The following EXT1 variants were observed in gnomAD, a reference collection of about 807,000 sequenced individuals.
EXT1 encodes exostosin-1.
A neutral mutation model predicts 82.5 loss-of-function variants in EXT1; 20 were observed. The ratio of observed to expected loss-of-function variants is 0.24; its 90% confidence interval spans 0.17 to 0.35. EXT1 has a LOEUF of 0.35. EXT1 is among the 10% of genes least tolerant of loss of function. The pLI is 1.00. For synonymous variants in EXT1, 348 were observed against 350.8 expected, an observed-to-expected ratio of 0.99 and a Z score of 0.09; for missense variants, 757 against 936.5, an observed-to-expected ratio of 0.81 and a Z score of 2.50.
intron 1 of EXT1, among the ~76,000 whole-genome samples, chr8:117,859,813 T>C (rs1164151584): frequency 6.6e-6 from 1 of 152,204 alleles, no homozygotes; most frequent in African/African-American, 2.4e-5. Flanking sequence ...GGTATGTATG[T>C]ATATACCATG....
chr8:118,060,336 G>A (rs1283402265), intron 1 of EXT1, among the ~76,000 whole-genome samples: 1 of 152,156 alleles, frequency 6.6e-6, no homozygotes, highest in African/African-American at 2.4e-5. Flanking sequence ...TTTTTCGAAT[G>A]TTTGAACTGA....
At chr8:117,990,256 G>A (rs988367050) in intron 1 of EXT1, among the ~76,000 whole-genome samples, 13 of 152,206 alleles carry the variant, frequency 8.5e-5, no homozygotes, top group African/African-American at 3.1e-4. Flanking sequence ...TGCCCTTGAA[G>A]ACAGAAGCAA....
In EXT1 at chr8:117,813,004, AAGAGGTAACTTC is replaced by A. The variant is rs753104875; in HGVS notation, c.1633-55_1633-44del. 2.0e-6 allele frequency: 3 copies of A among 1,521,856 alleles called. No homozygotes were observed. In the East Asian group the frequency reaches 6.9e-5, roughly 35 times the overall value. 94.3% of individuals were successfully genotyped at this position (1,521,856 alleles called of 1,614,324 possible). A position where few individuals can be genotyped will look rare whatever the true frequency, so the allele number is the denominator to read the frequency against. ...TAGGCAGTGGGGAGGGAATGAGGGA[AAGAGGTAACTTC>A]AGAGTCTTGTTTTCAGGACAATTCT... On this transcript the variant is annotated intron_variant, in intron 7 of 10. Coordinates refer to ENST00000378204, the MANE Select transcript of EXT1 (RefSeq NM_000127.3).
chr8:117,824,292 G>A (rs1336159349), intron 4 of EXT1, among the ~76,000 whole-genome samples: 2 of 152,120 alleles, frequency 1.3e-5, no homozygotes, highest in African/African-American at 4.8e-5. Context: ...TGGATGGTAT[G>A]CTTGTCATTG....
chr8:117,893,643 TG>T (rs1375554574), intron 1 of EXT1, among the ~76,000 whole-genome samples: 2 of 152,212 alleles, frequency 1.3e-5, no homozygotes, highest in Admixed American at 6.5e-5. Flanking sequence ...TCCCAATCCC[TG>T]GTGCCTTCCG....
At chr8:117,991,850 C>T (rs1045877755) in intron 1 of EXT1, among the ~76,000 whole-genome samples, 4 of 152,208 alleles carry the variant, frequency 2.6e-5, no homozygotes, top group Non-Finnish European at 5.9e-5. Context: ...GCATGAGCCA[C>T]CACACCTAGC....
intron 1 of EXT1, among the ~76,000 whole-genome samples, chr8:118,017,113 C>G (rs965817171): frequency 1.3e-5 from 2 of 152,148 alleles, no homozygotes; most frequent in Non-Finnish European, 2.9e-5. Context: ...GATAAGATGT[C>G]CATCATCTTG....
At chr8:118,049,523 A>C (rs1392674309) in intron 1 of EXT1, among the ~76,000 whole-genome samples, 1 of 152,210 alleles carries the variant, frequency 6.6e-6, no homozygotes, top group African/African-American at 2.4e-5. Context: ...GGCCAGAAGG[A>C]CAAGAAATGC....
rs1211158489 is a variant in EXT1 at position 117,973,800 on chromosome 8, A to AGAAAGGAAAGGAAAG, written c.962+136270_962+136284dup. Among the ~76,000 whole-genome samples the AGAAAGGAAAGGAAAG allele has an allele frequency of 6.4e-3, 276 of 43,352 alleles. 7 individuals are homozygous for AGAAAGGAAAGGAAAG. The highest frequency in any genetic ancestry group is 9.1e-3 in the Non-Finnish European group (194 of 21,306). The allele number at this position is 43,352 out of a possible 152,430, so 28.4% of individuals were successfully genotyped here. A position where few individuals can be genotyped will look rare whatever the true frequency, so the allele number is the denominator to read the frequency against. On this transcript the variant is annotated intron_variant, in intron 1 of 10. Transcript: ENST00000378204. The stretch of plus-strand genomic sequence containing the variant: ...AAGAAGAGATGAAAGAAAAGAAAAG[A>AGAAAGGAAAGGAAAG]GAAAGGAAAGGAAAGGAAAGGAAAG...
chr8:117,806,507 C>A (rs1054127922), intron 9 of EXT1, among the ~76,000 whole-genome samples: 1 of 152,198 alleles, frequency 6.6e-6, no homozygotes, highest in South Asian at 2.1e-4. Context: ...TGCATCCATG[C>A]CCCCTGACTT....
chr8:117,951,822 C>T (rs915590832), intron 1 of EXT1, among the ~76,000 whole-genome samples: 25 of 151,774 alleles, frequency 1.6e-4, no homozygotes, highest in Admixed American at 9.2e-4. Flanking sequence ...ACTTTTAAAG[C>T]ATTAGGAAAA....
intron 1 of EXT1, among the ~76,000 whole-genome samples, chr8:117,938,886 C>A (rs775061421): frequency 6.6e-6 from 1 of 152,168 alleles, no homozygotes; most frequent in Non-Finnish European, 1.5e-5. Flanking sequence ...ATTGAATAAT[C>A]ACTATTTGCA....
chr8:117,858,800 CA>C (rs1812621380), intron 1 of EXT1, among the ~76,000 whole-genome samples: 20 of 71,736 alleles, frequency 2.8e-4, no homozygotes, highest in African/African-American at 5.4e-4. Context: ...CAAGGCAAGG[CA>C]AGGCAAGGCA....
intron 1 of EXT1, among the ~76,000 whole-genome samples, chr8:117,902,900 T>C (rs1465576251): frequency 6.6e-6 from 1 of 152,250 alleles, no homozygotes. Context: ...AAGGAATTTC[T>C]TTCTTTAGCT....
At chr8:117,987,833 A>C (rs1815352564) in intron 1 of EXT1, among the ~76,000 whole-genome samples, 1 of 152,172 alleles carries the variant, frequency 6.6e-6, no homozygotes, top group Non-Finnish European at 1.5e-5. Flanking sequence ...CATGCCTATA[A>C]TCCTAGAACT....
chr8:117,996,229 A>C (rs1815536273), intron 1 of EXT1, among the ~76,000 whole-genome samples: 1 of 152,216 alleles, frequency 6.6e-6, no homozygotes, highest in Non-Finnish European at 1.5e-5. Context: ...TCCAATGGAG[A>C]GAGCCCCAAC....
chr8:118,104,321 A>G (rs144510412), intron 1 of EXT1, among the ~76,000 whole-genome samples: 1 of 152,392 alleles, frequency 6.6e-6, no homozygotes, highest in East Asian at 1.9e-4. Flanking sequence ...AATATCTGTT[A>G]TCTGAAATGA....
rs1823068813 is a variant in EXT1 at position 117,794,831 on chromosome 8, C to CT, written c.*4880dup. 6.6e-6 allele frequency: 1 copy of CT among 152,176 alleles called. No individual in the cohort carries two copies. Among genetic ancestry groups the CT allele is most frequent in the African/African-American group, 2.4e-5 (1 of 41,440 alleles). 9.4% of individuals were successfully genotyped at this position (152,176 alleles called of 1,614,324 possible). On this transcript the variant is annotated 3_prime_UTR_variant, in exon 11 of 11. Transcript: ENST00000378204. ...TACATCGTATACAAAATAAGGTATA[C>CT]TTTTGTTTTTTGCGTTACAATTTGC...
intron 1 of EXT1, among the ~76,000 whole-genome samples, chr8:118,039,571 A>T (rs572806840): frequency 1.3e-4 from 19 of 150,626 alleles, no homozygotes; most frequent in South Asian, 8.3e-4. Context: ...AAAAAAAAAA[A>T]AAAAAAAAAA....
Sources: gnomAD v4.1 joint callset for allele counts (sites outside exome capture counted in the v4.1 genomes callset) on GRCh38, gnomAD v4.1.1 for gene constraint, MANE v1.5 for transcripts, NCBI Gene and HGNC (gene_info 2026-07-23, HGNC 2026-07-21) for gene names.